The following NRXN3 variants were observed in gnomAD, a reference collection of about 807,000 sequenced individuals.
The protein encoded by NRXN3 is neurexin III.
A neutral mutation model predicts 137.6 loss-of-function variants in NRXN3; 32 were observed. That is an observed-to-expected ratio of 0.23 (90% CI 0.18 to 0.31). NRXN3 has a LOEUF of 0.31. Ranked by LOEUF, NRXN3 falls within the 10% of genes least tolerant of loss-of-function variation. The pLI is 1.00. For missense variants in NRXN3, 1,574 were observed against 2,062.5 expected (o/e 0.76, Z 4.59); for synonymous variants, 798 against 784.5 (o/e 1.02, Z -0.29).
intron 15 of NRXN3, among the ~76,000 whole-genome samples, chr14:79,266,247 C>T (rs750151019): frequency 2.6e-5 from 4 of 151,970 alleles, no homozygotes; most frequent in African/African-American, 4.8e-5. Context: ...GGAAATCATA[C>T]GTAATACAGT....
chr14:78,198,920 G>T (rs915361535), intron 1 of NRXN3, among the ~76,000 whole-genome samples: 1 of 152,206 alleles, frequency 6.6e-6, no homozygotes, highest in South Asian at 2.1e-4. Context: ...GCAGATTCCT[G>T]TGAGGGCCAG....
chr14:79,351,440 C>T (rs1001316766), intron 15 of NRXN3, among the ~76,000 whole-genome samples: 1 of 152,194 alleles, frequency 6.6e-6, no homozygotes, highest in Admixed American at 6.5e-5. Flanking sequence ...ACATTAAATG[C>T]AACTCCTTTT....
intron 19 of NRXN3, among the ~76,000 whole-genome samples, chr14:79,792,618 G>T (rs908593409): frequency 4.6e-5 from 7 of 152,146 alleles, no homozygotes; most frequent in African/African-American, 9.7e-5. Context: ...TTTCAAAGAG[G>T]CAGAGTGTAA....
At chr14:78,479,211 A>C (rs560886840) in intron 4 of NRXN3, among the ~76,000 whole-genome samples, 24 of 152,290 alleles carry the variant, frequency 1.6e-4, no homozygotes, top group Non-Finnish European at 3.2e-4. Flanking sequence ...TGCTCTCCCA[A>C]GAGGCATAGT....
chr14:78,909,770 G>T (rs992288126), intron 10 of NRXN3, among the ~76,000 whole-genome samples: 5 of 152,082 alleles, frequency 3.3e-5, no homozygotes, highest in African/African-American at 1.2e-4. Flanking sequence ...TGCACTTGAT[G>T]GAACTTATGT....
chr14:79,783,253 G>A (rs79588496), intron 19 of NRXN3, among the ~76,000 whole-genome samples: 333 of 152,304 alleles, frequency 2.2e-3, no homozygotes, highest in African/African-American at 7.8e-3. Flanking sequence ...AGTTAGTGAC[G>A]AGGCTGCAGG....
At chr14:79,396,069 A>G (rs2095016157) in intron 15 of NRXN3, among the ~76,000 whole-genome samples, 2 of 152,148 alleles carry the variant, frequency 1.3e-5, no homozygotes, top group African/African-American at 4.8e-5. Flanking sequence ...GCATGCACCA[A>G]TACATGCTGG....
intron 15 of NRXN3, among the ~76,000 whole-genome samples, chr14:79,240,820 G>A (rs565764067): frequency 2.0e-5 from 3 of 152,148 alleles, no homozygotes; most frequent in Admixed American, 2.0e-4. Context: ...CTCTGCTGAT[G>A]TTTAAGACTA....
At chr14:78,854,550 G>GC (rs2099051549) in intron 10 of NRXN3, among the ~76,000 whole-genome samples, 2 of 152,106 alleles carry the variant, frequency 1.3e-5, no homozygotes, top group Non-Finnish European at 2.9e-5. Flanking sequence ...AATTTATTGA[G>GC]CACCTACAGT....
intron 15 of NRXN3, among the ~76,000 whole-genome samples, chr14:79,220,427 A>G (rs528595126): frequency 1.8e-4 from 27 of 152,248 alleles, no homozygotes; most frequent in African/African-American, 6.0e-4. Context: ...TGAGTGGTAC[A>G]TTTCTTACAA....
chr14:78,912,737 C>G (rs1361823950), intron 10 of NRXN3, among the ~76,000 whole-genome samples: 1 of 152,150 alleles, frequency 6.6e-6, no homozygotes, highest in Admixed American at 6.6e-5. Flanking sequence ...GTAAGATTAT[C>G]TGGAAAGTGC....
intron 19 of NRXN3, among the ~76,000 whole-genome samples, chr14:79,745,011 A>G (rs1313698278): frequency 1.4e-5 from 2 of 144,202 alleles, no homozygotes; most frequent in Non-Finnish European, 3.0e-5. Context: ...AATATAAGTC[A>G]TATCTTTAGA....
intron 4 of NRXN3, among the ~76,000 whole-genome samples, chr14:78,541,562 C>T (rs972663772): frequency 1.3e-5 from 2 of 152,276 alleles, no homozygotes; most frequent in African/African-American, 4.8e-5. Context: ...GTTCTAACAT[C>T]CTCCTTTAGC....
rs139069078 is a variant in NRXN3, at chr14:78,634,000, G to T, written c.758-11120G>T. ...GCTAAGAGGATGGGCACAGATTCAGGCTTCTCAATGGGGATTTTCTTAAAG... is the reference window on the plus strand; with the variant it reads ...GCTAAGAGGATGGGCACAGATTCAGTCTTCTCAATGGGGATTTTCTTAAAG... On this transcript the variant is annotated intron_variant, in intron 4 of 20. Coordinates refer to ENST00000335750, the MANE Select transcript of NRXN3 (RefSeq NM_001330195.2). Among the ~76,000 whole-genome samples, 346 of 152,270 alleles carry T rather than the reference G, an allele frequency of 2.3e-3. 2 individuals carry two copies. Among genetic ancestry groups the T allele is most frequent in the African/African-American group, 7.9e-3 (329 of 41,562 alleles).
At chr14:79,111,810 G>A (rs556739233) in intron 15 of NRXN3, among the ~76,000 whole-genome samples, 1 of 151,848 alleles carries the variant, frequency 6.6e-6, no homozygotes, top group Non-Finnish European at 1.5e-5. Context: ...GTATTATTGT[G>A]AGACTAAAAA....
rs1294106676 is a variant in NRXN3, at chr14:78,961,673, A to C, written c.2395+4312A>C. 2.0e-5 allele frequency among the ~76,000 whole-genome samples: 3 copies of C among 152,358 alleles called. No individual in the cohort carries two copies. In the East Asian group the frequency reaches 5.8e-4, roughly 29 times the overall value. On this transcript the variant is annotated intron_variant, in intron 11 of 20. Coordinates refer to ENST00000335750, the MANE Select transcript of NRXN3 (RefSeq NM_001330195.2). ...CGTTTTACAGATGGGGATCTGAGGCATAGAAAAATTCAGTAACTCCCCCAA... is the reference window on the plus strand; with the variant it reads ...CGTTTTACAGATGGGGATCTGAGGCCTAGAAAAATTCAGTAACTCCCCCAA...
chr14:79,357,843 G>A (rs182470422), intron 15 of NRXN3, among the ~76,000 whole-genome samples: 12 of 152,270 alleles, frequency 7.9e-5, no homozygotes, highest in African/African-American at 2.9e-4. Context: ...CTGTGCTTTA[G>A]GATTTTCCTG....
intron 10 of NRXN3, among the ~76,000 whole-genome samples, chr14:78,918,115 G>A (rs2099260860): frequency 1.3e-5 from 2 of 151,076 alleles, no homozygotes; most frequent in Admixed American, 6.6e-5. Flanking sequence ...GAGAAACCTC[G>A]TCTCTACTAA....
intron 4 of NRXN3, among the ~76,000 whole-genome samples, chr14:78,626,228 G>A (rs1219619693): frequency 6.6e-6 from 1 of 152,156 alleles, no homozygotes; most frequent in Non-Finnish European, 1.5e-5. Flanking sequence ...TTGTTACGTG[G>A]TGAGCTTTAA....
Sources: allele counts gnomAD v4.1 joint callset (sites outside exome capture counted in the v4.1 genomes callset), GRCh38; gene constraint gnomAD v4.1.1; transcripts MANE v1.5; gene names NCBI Gene and HGNC (gene_info 2026-07-23, HGNC 2026-07-21).